The following ADGRL3 variants were observed in gnomAD, a reference collection of about 807,000 sequenced individuals.
ADGRL3 encodes the protein calcium-independent alpha-latrotoxin receptor 3.
ADGRL3 carries 62 observed loss-of-function variants against 153.5 expected under a neutral mutation model. The ratio of observed to expected loss-of-function variants is 0.40; its 90% confidence interval spans 0.33 to 0.50. The LOEUF (loss-of-function observed/expected upper bound fraction) is 0.50. Among genes scored for constraint, ADGRL3 ranks in the 20% least tolerant of loss-of-function variants. ADGRL3 has a pLI of 0.47. For missense variants in ADGRL3, 1,641 were observed against 1,859.4 expected (o/e 0.88, Z 2.16); for synonymous variants, 710 against 672.5 (o/e 1.06, Z -0.86).
At chr4:61,495,068 C>T (rs1006856170) in intron 2 of ADGRL3, among the ~76,000 whole-genome samples, 1 of 152,072 alleles carries the variant, frequency 6.6e-6, no homozygotes, top group Non-Finnish European at 1.5e-5. Flanking sequence ...CTACCCATTA[C>T]ACAGATAAAA....
At position 62,037,798 on chromosome 4, in the gene ADGRL3, T is replaced by C. The variant is rs190804185; in HGVS notation, c.3659T>C (p.Ile1220Thr). ...CCSGKSTESSIGSGKTSGSRT... is the reference protein window; with the variant it reads ...CCSGKSTESSTGSGKTSGSRT... The stretch of plus-strand genomic sequence containing the variant: ...AGTGGCAAAAGTACAGAGAGTTCCA[T>C]TGGTTCAGGGAAAACATCTGGTTCT... The change falls in exon 24 of 27, where the codon ATT (isoleucine) becomes ACT (threonine). Residue 1220 changes from isoleucine (I) to threonine (T), a missense_variant. Physicochemically the swap from Ile to Thr is moderately conservative, Grantham distance 89 (BLOSUM62 -1). This residue lies in a region of ADGRL3 where 517 missense variants were observed against 555.0 expected (regional missense o/e 0.93). Coordinates refer to ENST00000683033, the MANE Select transcript of ADGRL3 (RefSeq NM_001387552.1). 52 of 1,613,740 alleles carry C rather than the reference T, an allele frequency of 3.2e-5. No individual in the cohort carries two copies. The highest frequency in any genetic ancestry group is 3.3e-4 in the Middle Eastern group (2 of 6,060).
chr4:61,449,600 C>T (rs1004179288), intron 2 of ADGRL3, among the ~76,000 whole-genome samples: 1 of 152,176 alleles, frequency 6.6e-6, no homozygotes, highest in Non-Finnish European at 1.5e-5. Flanking sequence ...AATCACACAA[C>T]TTCCTAGATA....
intron 11 of ADGRL3, among the ~76,000 whole-genome samples, chr4:61,903,267 C>G (rs557215355): frequency 6.6e-6 from 1 of 152,110 alleles, no homozygotes; most frequent in African/African-American, 2.4e-5. Context: ...CCTCAACTTA[C>G]CTTTCAAGGT....
intron 9 of ADGRL3, among the ~76,000 whole-genome samples, chr4:61,873,462 A>G (rs952712403): frequency 2.0e-5 from 3 of 152,166 alleles, no homozygotes; most frequent in Non-Finnish European, 4.4e-5. Flanking sequence ...TAGCAAAATA[A>G]AACCAATTTT....
intron 1 of ADGRL3, among the ~76,000 whole-genome samples, chr4:61,223,229 A>C (rs1746469566): frequency 6.6e-6 from 1 of 152,214 alleles, no homozygotes; most frequent in South Asian, 2.1e-4. Context: ...CACTTCACAA[A>C]ATTCTCTTTG....
At chr4:61,589,509 G>T (rs902509547) in intron 5 of ADGRL3, among the ~76,000 whole-genome samples, 18 of 152,044 alleles carry the variant, frequency 1.2e-4, no homozygotes, top group Non-Finnish European at 2.5e-4. Flanking sequence ...AGTTTAAATA[G>T]ATTAAAGCAT....
intron 14 of ADGRL3, among the ~76,000 whole-genome samples, chr4:61,935,553 G>A (rs2098834965): frequency 6.6e-6 from 1 of 151,984 alleles, no homozygotes; most frequent in Non-Finnish European, 1.5e-5. Context: ...GAAATTTACT[G>A]GGCTTAAAGA....
rs541730794 is a variant in ADGRL3 at position 62,037,883 on chromosome 4, A to G, written c.3717+27A>G. 1.1e-5 allele frequency: 18 copies of G among 1,613,260 alleles called. No individual in the cohort carries two copies. In the South Asian group the frequency reaches 1.8e-4, roughly 16 times the overall value. ...TAAACAATATTTGTTCACTGAAATG[A>G]AGTAATTCTTAACTATACCAGTTAC... On this transcript the variant is annotated intron_variant, in intron 24 of 26. Transcript: ENST00000683033.
intron 1 of ADGRL3, among the ~76,000 whole-genome samples, chr4:61,311,764 C>T (rs976716263): frequency 1.3e-5 from 2 of 152,054 alleles, no homozygotes; most frequent in African/African-American, 4.8e-5. Context: ...TCAAAAAAGC[C>T]ATGCTTAGGG....
chr4:61,638,442 G>A (rs1182523652), intron 5 of ADGRL3, among the ~76,000 whole-genome samples: 1 of 151,952 alleles, frequency 6.6e-6, no homozygotes, highest in African/African-American at 2.4e-5. Flanking sequence ...ATGAATCTAG[G>A]CATTTGTCAA....
intron 21 of ADGRL3, among the ~76,000 whole-genome samples, chr4:62,012,979 A>G (rs2099193423): frequency 6.6e-6 from 1 of 152,180 alleles, no homozygotes; most frequent in South Asian, 2.1e-4. Flanking sequence ...ACAACATGTC[A>G]TGGAAGCCAA....
intron 25 of ADGRL3, among the ~76,000 whole-genome samples, chr4:62,062,641 G>A (rs904335076): frequency 1.3e-5 from 2 of 151,990 alleles, no homozygotes; most frequent in Non-Finnish European, 2.9e-5. Flanking sequence ...TGGCTTTGGA[G>A]GATGGAAAGT....
intron 8 of ADGRL3, among the ~76,000 whole-genome samples, chr4:61,773,932 T>C (rs1368487672): frequency 2.0e-5 from 3 of 152,190 alleles, no homozygotes; most frequent in Non-Finnish European, 2.9e-5. Context: ...GGTAAATATA[T>C]GCGGGAAACT....
chr4:61,517,566 C>A (rs1243731155), intron 4 of ADGRL3, 48 bp downstream of exon 4: 2 of 694,360 alleles, frequency 2.9e-6, no homozygotes, highest in African/African-American at 1.8e-5. Flanking sequence ...TGGGCAGGGG[C>A]TCCTGAGAGG....
chr4:61,684,132 C>G (rs1360910116), intron 6 of ADGRL3, among the ~76,000 whole-genome samples: 1 of 152,090 alleles, frequency 6.6e-6, no homozygotes. Flanking sequence ...TCCCTGTATG[C>G]TATGATTTCT....
intron 8 of ADGRL3, among the ~76,000 whole-genome samples, chr4:61,771,282 G>A (rs1427860679): frequency 6.6e-6 from 1 of 152,132 alleles, no homozygotes; most frequent in Non-Finnish European, 1.5e-5. Context: ...ATGCTTGTGG[G>A]GTGGGTTGGA....
intron 6 of ADGRL3, among the ~76,000 whole-genome samples, chr4:61,727,227 C>A (rs1031278773): frequency 6.6e-6 from 1 of 151,990 alleles, no homozygotes; most frequent in Non-Finnish European, 1.5e-5. Context: ...CTATTTCTTT[C>A]TTTTATACAG....
chr4:61,289,427 T>C (rs1012139737), intron 1 of ADGRL3, among the ~76,000 whole-genome samples: 2 of 152,016 alleles, frequency 1.3e-5, no homozygotes, highest in East Asian at 3.9e-4. Flanking sequence ...GTTTCACTGG[T>C]CACTTCCAAC....
At chr4:61,297,801 A>G (rs1360977663) in intron 1 of ADGRL3, among the ~76,000 whole-genome samples, 1 of 151,870 alleles carries the variant, frequency 6.6e-6, no homozygotes, top group Non-Finnish European at 1.5e-5. Context: ...TACAACTGTT[A>G]CCACCGCCAC....
Sources: allele counts gnomAD v4.1 joint callset (sites outside exome capture counted in the v4.1 genomes callset), GRCh38; gene constraint gnomAD v4.1.1; regional missense constraint gnomAD v4.1.1; transcripts MANE v1.5; gene names NCBI Gene and HGNC (gene_info 2026-07-23, HGNC 2026-07-21).